Variants in NIBAN1 observed in about 807,000 individuals in gnomAD.
The protein encoded by NIBAN1 is niban apoptosis regulator 1, also known as protein Niban 1.
In NIBAN1, 81 loss-of-function variants were observed where a neutral mutation model predicts 75.1. The observed-to-expected ratio is 1.08, with a 90% CI of 0.90 to 1.30. NIBAN1 has a LOEUF of 1.30. NIBAN1 is among the 50% of genes most tolerant of loss of function. The pLI is 0.00. For missense variants in NIBAN1, 1,133 were observed against 1,128.1 expected, an observed-to-expected ratio of 1.00 and a Z score of -0.06; for synonymous variants, 436 against 424.8, an observed-to-expected ratio of 1.03 and a Z score of -0.32.
chr1:184,792,026 AGTTCACT>A lies in NIBAN1; in HGVS notation c.*2944_*2950del, dbSNP rs1314242271. 6.6e-6 allele frequency: 1 copy of A among 151,224 alleles called. No individual in the cohort carries two copies. Among genetic ancestry groups the A allele is most frequent in the African/African-American group, 2.4e-5 (1 of 41,064 alleles). The allele number at this position is 151,224 out of a possible 1,614,324, so 9.4% of individuals were successfully genotyped here. On this transcript the variant is annotated 3_prime_UTR_variant, in exon 14 of 14. Coordinates refer to ENST00000367511, the MANE Select transcript of NIBAN1 (RefSeq NM_052966.4). ...AGCTGGAGTGCAGTGGTAAAATCAT[AGTTCACT>A]GCAGCCTCAACTTCCCTCGCTCAAA... is the stretch of plus-strand genomic sequence containing the variant.
chr1:184,924,745 A>C (rs1657641709), intron 1 of NIBAN1, among the ~76,000 whole-genome samples: 1 of 152,098 alleles, frequency 6.6e-6, no homozygotes, highest in African/African-American at 2.4e-5. Flanking sequence ...GAATTTCTTC[A>C]TGATTCAATA....
chr1:184,830,629 T>C (rs1328401740), intron 6 of NIBAN1, among the ~76,000 whole-genome samples: 2 of 152,160 alleles, frequency 1.3e-5, no homozygotes, highest in African/African-American at 4.8e-5. Context: ...CAAGGCACCA[T>C]TCAGCATCCT....
intron 1 of NIBAN1, among the ~76,000 whole-genome samples, chr1:184,959,185 C>T (rs961755965): frequency 6.7e-6 from 1 of 149,188 alleles, no homozygotes; most frequent in African/African-American, 2.5e-5. Flanking sequence ...CCCAGACCAG[C>T]CACATCTCAG....
At chr1:184,967,004 C>T (rs1000870155) in intron 1 of NIBAN1, among the ~76,000 whole-genome samples, 11 of 152,182 alleles carry the variant, frequency 7.2e-5, no homozygotes, top group Non-Finnish European at 1.6e-4. Flanking sequence ...TGCTTTCATA[C>T]CTCTAAAGCG....
intron 1 of NIBAN1, among the ~76,000 whole-genome samples, chr1:184,949,360 A>AAAAT (rs917555354): frequency 5.9e-5 from 9 of 152,352 alleles, no homozygotes; most frequent in East Asian, 3.9e-4. Flanking sequence ...TCCGTCTCAA[A>AAAAT]AAATAAATAA....
chr1:184,919,007 AC>A (rs549313999), intron 1 of NIBAN1, among the ~76,000 whole-genome samples: 1 of 152,202 alleles, frequency 6.6e-6, no homozygotes, highest in Non-Finnish European at 1.5e-5. Context: ...GTAAAAAAAA[AC>A]CTCTAAAATT....
intron 5 of NIBAN1, among the ~76,000 whole-genome samples, chr1:184,833,330 G>T (rs1008089042): frequency 6.6e-6 from 1 of 150,812 alleles, no homozygotes. Flanking sequence ...AAGAATTCAA[G>T]GCTTAGCCTC....
At position 184,795,523 on chromosome 1, in the gene NIBAN1, T is replaced by C. The variant is rs1300762077; in HGVS notation, c.2241A>G (p.Glu747=). Residue 747 remains glutamate (E), a synonymous_variant, in exon 14 of 14, where the codon GAA becomes GAG. Transcript: ENST00000367511. ...CTGCCTGACTGGGCTCTTTTTCCTC[T>C]TCTTCTTCATTTTCTTGGGGAACGT... The part of the protein sequence containing the change: ...ESHVPQENEE[E]EEKEPSQAAA... 3.7e-6 allele frequency: 6 copies of C among 1,613,756 alleles called. No homozygotes were observed. In the South Asian group the frequency reaches 5.5e-5, roughly 15 times the overall value.
In NIBAN1 at chr1:184,807,990, C is replaced by T. The variant is rs1198218455; in HGVS notation, c.1335+84G>A. The T allele has an allele frequency of 2.7e-6, 4 of 1,493,392 alleles. No homozygotes were observed. The Admixed American group carries it at 6.7e-5, about 25-fold the overall frequency. 92.5% of individuals were successfully genotyped at this position (1,493,392 alleles called of 1,614,324 possible). A position where few individuals can be genotyped will look rare whatever the true frequency, so the allele number is the denominator to read the frequency against. On this transcript the variant is annotated intron_variant, in intron 10 of 13. Transcript: ENST00000367511. The stretch of plus-strand genomic sequence containing the variant: ...ACGCGACGTATTTCCCTGAGCTACA[C>T]TAGCAGCTGGTCTCACTGGCCAGCA...
intron 5 of NIBAN1, among the ~76,000 whole-genome samples, chr1:184,833,943 A>T (rs985968305): frequency 1.6e-4 from 24 of 151,184 alleles, no homozygotes; most frequent in Admixed American, 4.0e-4. Context: ...TGTGCCATGC[A>T]GGTTTGCTGC....
intron 5 of NIBAN1, among the ~76,000 whole-genome samples, chr1:184,841,207 A>C (rs1376050002): frequency 6.6e-6 from 1 of 152,178 alleles, no homozygotes; most frequent in Admixed American, 6.5e-5. Context: ...GATACATAGT[A>C]GGCATGAATA....
chr1:184,806,975 G>T (rs1654217096), intron 10 of NIBAN1, among the ~76,000 whole-genome samples: 1 of 151,950 alleles, frequency 6.6e-6, no homozygotes, highest in African/African-American at 2.4e-5. Flanking sequence ...TCACCATGTT[G>T]GCCAGGCTGG....
intron 12 of NIBAN1, among the ~76,000 whole-genome samples, chr1:184,800,196 A>C (rs1256290051): frequency 6.6e-6 from 1 of 151,456 alleles, no homozygotes; most frequent in South Asian, 2.1e-4. Flanking sequence ...TCCTTTGCCC[A>C]CTTTTTGATG....
chr1:184,947,736 A>G (rs1256074093), intron 1 of NIBAN1, among the ~76,000 whole-genome samples: 1 of 152,202 alleles, frequency 6.6e-6, no homozygotes, highest in African/African-American at 2.4e-5. Flanking sequence ...CACAGGAGCT[A>G]AGTGTGAGCC....
At chr1:184,829,626 C>G (rs1654942629) in intron 6 of NIBAN1, among the ~76,000 whole-genome samples, 2 of 151,924 alleles carry the variant, frequency 1.3e-5, no homozygotes, top group South Asian at 4.2e-4. Context: ...CCACCATGCC[C>G]AGCTAATTTT....
chr1:184,955,356 C>CCTTTCCTTTCCTTTCCT (rs1249860049), intron 1 of NIBAN1, among the ~76,000 whole-genome samples: 1 of 147,212 alleles, frequency 6.8e-6, no homozygotes, highest in Non-Finnish European at 1.5e-5. Context: ...CCTTTCCTTT[C>CCTTTCCTTTCCTTTCCT]CTTTTCTTTT....
At chr1:184,896,790 T>G (rs1029153068) in intron 2 of NIBAN1, among the ~76,000 whole-genome samples, 3 of 152,194 alleles carry the variant, frequency 2.0e-5, no homozygotes, top group Non-Finnish European at 4.4e-5. Flanking sequence ...CACCTTTTAT[T>G]GAATGGGGTA....
intron 12 of NIBAN1, among the ~76,000 whole-genome samples, chr1:184,799,331 TG>T (rs1243642264): frequency 2.0e-5 from 3 of 148,454 alleles, no homozygotes; most frequent in Non-Finnish European, 3.0e-5. Context: ...CTGAGAATGA[TG>T]ATTTCCAATT....
At chr1:184,945,124 T>C (rs1482548662) in intron 1 of NIBAN1, among the ~76,000 whole-genome samples, 1 of 152,222 alleles carries the variant, frequency 6.6e-6, no homozygotes, top group African/African-American at 2.4e-5. Flanking sequence ...ATGGGAAACT[T>C]CTACTGCGTT....
Sources: allele counts gnomAD v4.1 joint callset (sites outside exome capture counted in the v4.1 genomes callset), GRCh38; gene constraint gnomAD v4.1.1; transcripts MANE v1.5; gene names NCBI Gene and HGNC (gene_info 2026-07-23, HGNC 2026-07-21).